The following ZNF143 variants were observed in gnomAD, a reference collection of about 807,000 sequenced individuals.
ZNF143 encodes the protein SPH-binding factor.
Under a neutral mutation model 74.1 loss-of-function variants are expected in ZNF143, and 49 were observed. That is an observed-to-expected ratio of 0.66 (90% CI 0.53 to 0.84). ZNF143 has a LOEUF of 0.84. Among genes scored for constraint, ZNF143 ranks in the 40% least tolerant of loss-of-function variants. The probability of loss-of-function intolerance (pLI) is 0.00; values close to 1 mark genes in which losing one functional copy is unlikely to be tolerated. For missense variants in ZNF143, 637 were observed against 793.4 expected (o/e 0.80, Z 2.37); for synonymous variants, 304 against 282.8 (o/e 1.07, Z -0.75).
At chr11:9,462,055 G>A (rs990075177) in intron 1 of ZNF143, 5 of 152,138 alleles carry the variant, frequency 3.3e-5, no homozygotes, top group African/African-American at 1.2e-4. Context: ...AGTATTTAAT[G>A]TTTTTTCTTG....
intron 3 of ZNF143, 147 bp downstream of exon 3, chr11:9,472,916 T>TC: frequency 3.2e-6 from 1 of 316,794 alleles, no homozygotes. Context: ...GTTTAATTCT[T>TC]TTTTTTTTTT....
At chr11:9,491,728 C>T (rs930661492) in intron 7 of ZNF143, among the ~76,000 whole-genome samples, 9 of 152,118 alleles carry the variant, frequency 5.9e-5, no homozygotes, top group Non-Finnish European at 8.8e-5. Context: ...CTCCTGGACT[C>T]GCGCGATCCT....
intron 7 of ZNF143, among the ~76,000 whole-genome samples, chr11:9,489,191 T>TTTC (rs1461880410): frequency 6.6e-6 from 1 of 152,182 alleles, no homozygotes; most frequent in African/African-American, 2.4e-5. Flanking sequence ...TGAGAATGCC[T>TTTC]TTAAGAGAGG....
intron 7 of ZNF143, among the ~76,000 whole-genome samples, chr11:9,486,177 T>G (rs984897395): frequency 1.0e-4 from 15 of 147,358 alleles, no homozygotes; most frequent in African/African-American, 3.1e-4. Flanking sequence ...ACAGTGTACG[T>G]AAAGCAGCCA....
At chr11:9,508,504 G>A in intron 11 of ZNF143, 115 bp from the exon 12 acceptor site, 1 of 859,430 alleles carries the variant, frequency 1.2e-6, no homozygotes. Context: ...GGTGGGATGA[G>A]GAGGGGTTTG....
chr11:9,466,630 A>G (rs1404125374), intron 1 of ZNF143, among the ~76,000 whole-genome samples: 1 of 151,422 alleles, frequency 6.6e-6, no homozygotes, highest in Non-Finnish European at 1.5e-5. Context: ...CCGTAGAGAC[A>G]GGGTTTCACT....
intron 3 of ZNF143, 117 bp downstream of exon 3, chr11:9,472,886 G>T: frequency 4.1e-5 from 19 of 459,530 alleles, no homozygotes; most frequent in Admixed American, 8.3e-5. Context: ...TATTGCATAT[G>T]ATGATTTTAA....
intron 1 of ZNF143, chr11:9,463,625 C>T (rs1010976615): frequency 6.6e-6 from 1 of 152,046 alleles, no homozygotes; most frequent in African/African-American, 2.4e-5. Flanking sequence ...TTGGATTATT[C>T]GTCTTATTAT....
chr11:9,488,139 G>A (rs1232375222), intron 7 of ZNF143, among the ~76,000 whole-genome samples: 6 of 152,116 alleles, frequency 3.9e-5, no homozygotes, highest in Admixed American at 1.3e-4. Flanking sequence ...AGTCCCAGCC[G>A]TTGGGGAGGC....
chr11:9,516,172 A>T, intron 13 of ZNF143, 29 bp from the exon 14 acceptor site: 2 of 1,609,530 alleles, frequency 1.2e-6, no homozygotes, highest in Non-Finnish European at 1.7e-6. Flanking sequence ...AGAAACATTG[A>T]CTGCTTTGTA....
rs747875286 is a variant in ZNF143 at position 9,512,581 on chromosome 11, G to T, written c.1509G>T (p.Gln503His). The T allele has an allele frequency of 6.2e-7, 1 of 1,614,162 alleles. No individual in the cohort carries two copies. The highest frequency in any genetic ancestry group is 1.1e-5 in the South Asian group (1 of 91,080). ...GLSQQVTLIS[Q>H]DGTQHVNISQ... Reference sequence around the variant, plus strand: ...GTCAACAAGTTACACTCATATCCCAGGATGGGACTCAGCATGTAAGTATCC... The same window carrying T: ...GTCAACAAGTTACACTCATATCCCATGATGGGACTCAGCATGTAAGTATCC... The change falls in exon 13 of 16, where the codon CAG becomes CAT. Residue 503 changes from glutamine (Q) to histidine (H), a missense_variant. Gln to His is a conservative substitution (Grantham distance 24, BLOSUM62 0). Transcript: ENST00000396602.
chr11:9,486,429 T>TTATATATAA (rs1847536664), intron 7 of ZNF143, among the ~76,000 whole-genome samples: 1 of 45,224 alleles, frequency 2.2e-5, no homozygotes, highest in African/African-American at 7.5e-5. Context: ...ATTATATATA[T>TTATATATAA]TATATATATA....
In ZNF143 at chr11:9,508,632, T is replaced by C. The variant is rs760294135; in HGVS notation, c.1161T>C (p.Tyr387=). 6.2e-7 allele frequency: 1 copy of C among 1,612,058 alleles called. No homozygotes were observed. Among genetic ancestry groups the C allele is most frequent in the South Asian group, 1.1e-5 (1 of 91,074 alleles). ...GTTGCTCTTTAGGAGAAAAGCCATA[T>C]GTTTGTACAGTTCCTGGGTGTGACA... ...HVRIHTGEKP[Y]VCTVPGCDKR... Residue 387 remains tyrosine, a synonymous_variant, in exon 12 of 16, where the codon TAT becomes TAC. Transcript: ENST00000396602.
At chr11:9,484,425 G>C (rs916003039) in intron 7 of ZNF143, among the ~76,000 whole-genome samples, 1 of 150,780 alleles carries the variant, frequency 6.6e-6, no homozygotes, top group Non-Finnish European at 1.5e-5. Context: ...TTGTTGGCCA[G>C]GCTGATCACA....
intron 1 of ZNF143, among the ~76,000 whole-genome samples, chr11:9,468,194 T>A (rs985137039): frequency 6.6e-6 from 1 of 152,230 alleles, no homozygotes; most frequent in African/African-American, 2.4e-5. Context: ...TTAAACCATG[T>A]CCATTAGTGC....
At chr11:9,525,532 T>A in intron 15 of ZNF143, 146 bp downstream of exon 15, 2 of 1,078,022 alleles carry the variant, frequency 1.9e-6, no homozygotes, top group Non-Finnish European at 2.8e-6. Flanking sequence ...GAAATCGGTG[T>A]ATTTGAGGTG....
At chr11:9,525,574 C>A in intron 15 of ZNF143, 188 bp downstream of exon 15, 1 of 739,568 alleles carries the variant, frequency 1.4e-6, no homozygotes, top group Non-Finnish European at 2.3e-6. Flanking sequence ...TGTTCTCTAC[C>A]CATCTTTGCA....
At chr11:9,501,634 G>C (rs1250511259) in intron 11 of ZNF143, among the ~76,000 whole-genome samples, 1 of 152,122 alleles carries the variant, frequency 6.6e-6, no homozygotes, top group Non-Finnish European at 1.5e-5. Flanking sequence ...CATTTTGGGA[G>C]GGGTTTCTGG....
Position 9,510,624 on chromosome 11 carries a change from T to C in ZNF143, c.1375+1778T>C, listed in dbSNP as rs113413504. Among the ~76,000 whole-genome samples the C allele has an allele frequency of 3.3e-3, 499 of 152,328 alleles. 4 individuals carry two copies. Among genetic ancestry groups the C allele is most frequent in the African/African-American group, 0.011 (442 of 41,574 alleles). On this transcript the variant is annotated intron_variant, in intron 12 of 15. Coordinates refer to ENST00000396602, the MANE Select transcript of ZNF143 (RefSeq NM_003442.6). ...CAGAACAAAAAGGAATGAAGTAATG[T>C]CTGTCATGGAAATTACACGTTGATG...
Sources: allele counts gnomAD v4.1 joint callset (sites outside exome capture counted in the v4.1 genomes callset), GRCh38; gene constraint gnomAD v4.1.1; transcripts MANE v1.5; gene names NCBI Gene and HGNC (gene_info 2026-07-23, HGNC 2026-07-21).